The following SBF2 variants were observed in gnomAD, a reference collection of about 807,000 sequenced individuals.
SBF2 encodes the protein SET binding factor 2.
Under a neutral mutation model 225.2 loss-of-function variants are expected in SBF2, and 112 were observed. The ratio of observed to expected loss-of-function variants is 0.50; its 90% CI spans 0.43 to 0.58. The LOEUF (loss-of-function observed/expected upper bound fraction) is 0.58, where lower values mean the gene tolerates loss of function less well. SBF2 is among the 20% of genes least tolerant of loss of function. The pLI is 0.00. For synonymous variants in SBF2, 763 were observed against 773.3 expected, an observed-to-expected ratio of 0.99 and a Z score of 0.22; for missense variants, 1,996 against 2,206.2, an observed-to-expected ratio of 0.90 and a Z score of 1.91.
At chr11:9,955,563 A>G (rs1866108353) in intron 16 of SBF2, among the ~76,000 whole-genome samples, 1 of 152,034 alleles carries the variant, frequency 6.6e-6, no homozygotes. Flanking sequence ...ACTGTCTCAT[A>G]CTCTAAAGAA....
chr11:10,078,454 A>G (rs934452825), intron 2 of SBF2, among the ~76,000 whole-genome samples: 7 of 152,346 alleles, frequency 4.6e-5, no homozygotes, highest in African/African-American at 1.7e-4. Context: ...CAGCCATAAA[A>G]AAGGATGAGT....
At position 9,780,212 on chromosome 11, in the gene SBF2, G is replaced by A. The variant is rs1243330933; in HGVS notation, c.*206C>T. The A allele has an allele frequency of 3.3e-6, 2 of 608,160 alleles. No homozygotes were observed. Among genetic ancestry groups the A allele is most frequent in the Non-Finnish European group, 3.0e-6 (1 of 334,784 alleles). The allele number at this position is 608,160 out of a possible 1,614,324, so 37.7% of individuals were successfully genotyped here. Reference sequence around the variant, plus strand: ...TAGAAAAATTTAGTGCAAGATACAGGGAGTGCATGGGGCTGTTGACCAGAC... The same window carrying A: ...TAGAAAAATTTAGTGCAAGATACAGAGAGTGCATGGGGCTGTTGACCAGAC... On this transcript the variant is annotated 3_prime_UTR_variant, in exon 40 of 40. Coordinates refer to ENST00000256190, the MANE Select transcript of SBF2 (RefSeq NM_030962.4).
At chr11:9,850,255 A>G (rs752388085) in intron 21 of SBF2, 37 bp from the exon 22 acceptor site, 3 of 1,591,568 alleles carry the variant, frequency 1.9e-6, no homozygotes, top group Admixed American at 1.7e-5. Flanking sequence ...TGATTGATTG[A>G]CTAATTGATT....
chr11:10,287,686 T>C (rs1237427050), intron 1 of SBF2, among the ~76,000 whole-genome samples: 1 of 152,252 alleles, frequency 6.6e-6, no homozygotes, highest in African/African-American at 2.4e-5. Context: ...ATTTATACTT[T>C]ATTAGATATT....
chr11:10,141,138 G>C (rs1954621284), intron 2 of SBF2, among the ~76,000 whole-genome samples: 3 of 152,180 alleles, frequency 2.0e-5, no homozygotes, highest in Admixed American at 2.0e-4. Flanking sequence ...ATCTATACCT[G>C]TGAATAAAAG....
At position 10,057,910 on chromosome 11, in the gene SBF2, C is replaced by T. The variant is rs1223960595; in HGVS notation, c.142-14929G>A. On this transcript the variant is annotated intron_variant, in intron 2 of 39. Coordinates refer to ENST00000256190, the MANE Select transcript of SBF2 (RefSeq NM_030962.4). Reference sequence around the variant, plus strand: ...CTTAACACCAAAAATACCTCACTAACATATCCCCCTCTAAAACCAGAGACA... The same window carrying T: ...CTTAACACCAAAAATACCTCACTAATATATCCCCCTCTAAAACCAGAGACA... Among the ~76,000 whole-genome samples the T allele has an allele frequency of 2.6e-5, 4 of 152,158 alleles. No homozygotes were observed. The South Asian group carries it at 6.2e-4, about 24-fold the overall frequency.
chr11:9,917,552 G>A (rs763922858), intron 16 of SBF2, among the ~76,000 whole-genome samples: 2 of 151,410 alleles, frequency 1.3e-5, no homozygotes, highest in African/African-American at 4.9e-5. Flanking sequence ...GGCTGGTCTT[G>A]AACTCCTGAG....
intron 2 of SBF2, among the ~76,000 whole-genome samples, chr11:10,164,768 A>C (rs1742061077): frequency 6.6e-6 from 1 of 151,494 alleles, no homozygotes; most frequent in Non-Finnish European, 1.5e-5. Context: ...CACTTCATGC[A>C]ACATAGAGGA....
Position 10,111,559 on chromosome 11 carries a change from A to T in SBF2, c.142-68578T>A, listed in dbSNP as rs183225513. Among the ~76,000 whole-genome samples, 1,027 of 152,368 alleles carry T rather than the reference A, an allele frequency of 6.7e-3. 9 individuals carry two copies. The highest frequency in any genetic ancestry group is 0.023 in the African/African-American group (953 of 41,584). On this transcript the variant is annotated intron_variant, in intron 2 of 39. Transcript: ENST00000256190. ...TCTAGAAAAAAGTAACTGTAGTTGG[A>T]TTTTAAATACAAATAAAGAACAAAA...
intron 2 of SBF2, among the ~76,000 whole-genome samples, chr11:10,057,924 A>G (rs1950307785): frequency 6.6e-6 from 1 of 152,136 alleles, no homozygotes; most frequent in South Asian, 2.1e-4. Context: ...TCCCCCTCTA[A>G]AACCAGAGAC....
chr11:9,829,136 G>GA (rs1006132638), intron 28 of SBF2, among the ~76,000 whole-genome samples: 4 of 152,012 alleles, frequency 2.6e-5, no homozygotes, highest in Non-Finnish European at 5.9e-5. Context: ...AAACAAAAAA[G>GA]AAAAAACTGA....
intron 1 of SBF2, among the ~76,000 whole-genome samples, chr11:10,229,440 TATGGGC>T: frequency 6.6e-6 from 1 of 152,232 alleles, no homozygotes; most frequent in Non-Finnish European, 1.5e-5. Flanking sequence ...TCCTTTCTCT[TATGGGC>T]ATTTAGTGCT....
At chr11:9,896,225 A>G (rs994838972) in intron 16 of SBF2, among the ~76,000 whole-genome samples, 1 of 152,222 alleles carries the variant, frequency 6.6e-6, no homozygotes, top group African/African-American at 2.4e-5. Flanking sequence ...TGTGTGAAGC[A>G]CATTCTTTTA....
intron 28 of SBF2, among the ~76,000 whole-genome samples, chr11:9,817,329 C>T (rs190958480): frequency 6.6e-6 from 1 of 152,144 alleles, no homozygotes; most frequent in African/African-American, 2.4e-5. Flanking sequence ...AGAAACAGTA[C>T]ATTGATACTG....
intron 1 of SBF2, among the ~76,000 whole-genome samples, chr11:10,291,372 G>A (rs1023957040): frequency 6.6e-6 from 1 of 152,116 alleles, no homozygotes; most frequent in African/African-American, 2.4e-5. Context: ...ACCAGACACT[G>A]AATCTGTCAG....
At chr11:9,895,845 A>T in intron 17 of SBF2, 98 bp downstream of exon 17, 1 of 873,656 alleles carries the variant, frequency 1.1e-6, no homozygotes, top group Non-Finnish European at 2.0e-6. Context: ...TAGGCATGCT[A>T]CTAAGAGGAC....
Position 9,829,387 on chromosome 11 carries a change from A to C in SBF2, c.3762T>G (p.Leu1254=), listed in dbSNP as rs776896848. Residue 1254 remains leucine, a synonymous_variant, in exon 28 of 40, where the codon CTT becomes CTG. Transcript: ENST00000256190. The part of the protein sequence containing the change: ...VHQKLRGNST[L]TVRPAFALSP... Reference sequence around the variant, plus strand: ...ATAGAGCAAAGGCTGGCCTGACAGTAAGAGTGCTGTTGCCTCTGAGTTTCT... The same window carrying C: ...ATAGAGCAAAGGCTGGCCTGACAGTCAGAGTGCTGTTGCCTCTGAGTTTCT... 22 of 1,614,090 alleles carry C rather than the reference A, an allele frequency of 1.4e-5. No individual in the cohort carries two copies. The highest frequency in any genetic ancestry group is 1.8e-5 in the Non-Finnish European group (21 of 1,180,032).
chr11:10,255,668 A>G (rs945924699), intron 1 of SBF2, among the ~76,000 whole-genome samples: 2 of 152,230 alleles, frequency 1.3e-5, no homozygotes, highest in Non-Finnish European at 2.9e-5. Flanking sequence ...TAACTTTTTC[A>G]CATTTATTAT....
chr11:10,000,881 C>T, intron 8 of SBF2, 33 bp downstream of exon 8: 1 of 1,121,908 alleles, frequency 8.9e-7, no homozygotes, highest in Non-Finnish European at 1.4e-6. Context: ...CTTCTGGACT[C>T]AATAACTGGA....
Sources: gnomAD v4.1 joint callset for allele counts (sites outside exome capture counted in the v4.1 genomes callset) on GRCh38, gnomAD v4.1.1 for gene constraint, MANE v1.5 for transcripts, NCBI Gene and HGNC (gene_info 2026-07-23, HGNC 2026-07-21) for gene names.